MICU1: variants seen among roughly 807,000 people sequenced by gnomAD.
MICU1 encodes calcium uptake protein 1, mitochondrial.
A neutral mutation model predicts 56.8 loss-of-function variants in MICU1; 45 were observed. The ratio of observed to expected loss-of-function variants is 0.79; its 90% CI spans 0.62 to 1.02. MICU1 has a LOEUF of 1.02. Among genes scored for constraint, MICU1 ranks in the 50% least tolerant of loss-of-function variants. MICU1 has a pLI of 0.00. For synonymous variants in MICU1, 186 were observed against 195.1 expected (o/e 0.95, Z 0.39); for missense variants, 504 against 587.1 (o/e 0.86, Z 1.46).
intron 9 of MICU1, 41 bp downstream of exon 9, chr10:72,423,193 T>C: frequency 6.3e-7 from 1 of 1,598,710 alleles, no homozygotes; most frequent in Non-Finnish European, 8.5e-7. Flanking sequence ...TAACCATACA[T>C]TACCACGGTT....
intron 9 of MICU1, among the ~76,000 whole-genome samples, chr10:72,422,574 A>G (rs1351655750): frequency 2.0e-5 from 3 of 152,158 alleles, no homozygotes; most frequent in Non-Finnish European, 2.9e-5. Context: ...AAGGTCACCA[A>G]TTACTGCCAT....
Position 72,470,483 on chromosome 10 carries a change from G to T in MICU1, c.933+4617C>A, listed in dbSNP as rs112164051. On this transcript the variant is annotated intron_variant, in intron 8 of 11. Transcript: ENST00000361114. ...AGCATGGCACCAATATCTGGCAGGG[G>T]TCCTTTCATGGTGGATGGGCAAGCA... 3.4e-3 allele frequency among the ~76,000 whole-genome samples: 517 copies of T among 152,258 alleles called. 3 individuals are homozygous for T. Among genetic ancestry groups the T allele is most frequent in the African/African-American group, 0.012 (491 of 41,530 alleles).
chr10:72,475,102 C>CA lies in MICU1; in HGVS notation c.930dup (p.Glu311Ter). 1 of 1,607,306 alleles carries CA rather than the reference C, an allele frequency of 6.2e-7. No individual in the cohort carries two copies. The highest frequency in any genetic ancestry group is 1.3e-5 in the African/African-American group (1 of 74,978). The stretch of plus-strand genomic sequence containing the variant: ...TACTGAGTCTAAGGAAGACCTACCT[C>CA]AAGCTTCAGAACATCATGCTGCAGT... On this transcript the variant is annotated frameshift_variant, in exon 8 of 12. Coordinates refer to ENST00000361114, the MANE Select transcript of MICU1 (RefSeq NM_001195518.2). LOFTEE classifies it high-confidence loss of function.
rs386371809 is a variant in MICU1 at position 72,610,259 on chromosome 10, CAAAAAA to C, written c.-2+15745_-2+15750del. 2.5e-5 allele frequency among the ~76,000 whole-genome samples: 3 copies of C among 118,920 alleles called. No individual in the cohort carries two copies. The South Asian group carries it at 8.4e-4, about 33-fold the overall frequency. The allele number at this position is 118,920 out of a possible 152,430, so 78.0% of individuals were successfully genotyped here. On this transcript the variant is annotated intron_variant, in intron 1 of 11. Coordinates refer to ENST00000361114, the MANE Select transcript of MICU1 (RefSeq NM_001195518.2). ...ATAAGTGACAGAGTGACATACTCTCCAAAAAAAAAAAAAAATAGTAAAAAAGTAAAT... is the reference window on the plus strand; with the variant it reads ...ATAAGTGACAGAGTGACATACTCTCCAAAAAAAAATAGTAAAAAAGTAAAT...
At chr10:72,521,431 A>G (rs1367456230) in intron 5 of MICU1, among the ~76,000 whole-genome samples, 3 of 152,122 alleles carry the variant, frequency 2.0e-5, no homozygotes, top group African/African-American at 4.8e-5. Flanking sequence ...TTCTGCAAGT[A>G]TATGAATTGG....
chr10:72,598,601 C>G (rs1417424688), intron 1 of MICU1, among the ~76,000 whole-genome samples: 1 of 151,966 alleles, frequency 6.6e-6, no homozygotes, highest in Non-Finnish European at 1.5e-5. Context: ...TACAGATTAG[C>G]TCAATCAAAT....
chr10:72,415,448 C>T (rs1395971826), intron 9 of MICU1, among the ~76,000 whole-genome samples: 1 of 152,134 alleles, frequency 6.6e-6, no homozygotes, highest in Non-Finnish European at 1.5e-5. Context: ...ATTACTATGC[C>T]TGTCTTGCTC....
At chr10:72,467,438 C>T (rs1444455834) in intron 8 of MICU1, among the ~76,000 whole-genome samples, 1 of 152,148 alleles carries the variant, frequency 6.6e-6, no homozygotes, top group Admixed American at 6.5e-5. Flanking sequence ...CCCACTCTTC[C>T]TCCCAAAGTG....
intron 5 of MICU1, among the ~76,000 whole-genome samples, chr10:72,525,145 C>T (rs970532486): frequency 6.8e-6 from 1 of 147,752 alleles, no homozygotes; most frequent in Non-Finnish European, 1.5e-5. Context: ...GTGATACCCA[C>T]ATTGGTATTA....
intron 10 of MICU1, among the ~76,000 whole-genome samples, chr10:72,401,819 T>A (rs1489234120): frequency 6.6e-6 from 1 of 152,194 alleles, no homozygotes; most frequent in Non-Finnish European, 1.5e-5. Context: ...AACTATTTCA[T>A]CCTGCCTAAC....
chr10:72,493,305 T>C (rs962358861), intron 6 of MICU1, among the ~76,000 whole-genome samples: 43 of 152,340 alleles, frequency 2.8e-4, no homozygotes, highest in African/African-American at 8.7e-4. Context: ...TTTTCTATGC[T>C]AATAAATCTC....
chr10:72,612,263 C>G (rs532543197), intron 1 of MICU1, among the ~76,000 whole-genome samples: 4 of 141,260 alleles, frequency 2.8e-5, no homozygotes, highest in Non-Finnish European at 6.2e-5. Context: ...ACACTAGAGT[C>G]TGCCATCTGT....
At chr10:72,523,137 CA>C (rs1867871484) in intron 5 of MICU1, among the ~76,000 whole-genome samples, 1 of 152,100 alleles carries the variant, frequency 6.6e-6, no homozygotes, top group Non-Finnish European at 1.5e-5. Context: ...TTAGTAAGGA[CA>C]CCTATCCAAG....
intron 8 of MICU1, among the ~76,000 whole-genome samples, chr10:72,465,309 GTTT>G (rs58604429): frequency 8.2e-6 from 1 of 121,932 alleles, no homozygotes; most frequent in African/African-American, 3.1e-5. Context: ...ATAGTTTTTT[GTTT>G]TTTTTTTTTT....
At chr10:72,565,813 C>CA (rs1433314629) in intron 2 of MICU1, among the ~76,000 whole-genome samples, 4 of 151,552 alleles carry the variant, frequency 2.6e-5, no homozygotes, top group Non-Finnish European at 5.9e-5. Context: ...GACTCCATCT[C>CA]AAAAAAACAA....
chr10:72,369,690 G>GT lies in MICU1; in HGVS notation c.1271-1336dup, dbSNP rs371629187. Among the ~76,000 whole-genome samples, 1,450 of 146,268 alleles carry GT rather than the reference G, an allele frequency of 9.9e-3. 13 individuals are homozygous for GT. The highest frequency in any genetic ancestry group is 0.016 in the Non-Finnish European group (1,085 of 65,932). ...CTGGAAGAAACTTTGGAGAGCATCT[G>GT]TTTTTTTTTTTGTTGTTGTTGTTGT... On this transcript the variant is annotated intron_variant, in intron 11 of 11. Transcript: ENST00000361114.
At chr10:72,430,936 T>G (rs985340605) in intron 8 of MICU1, among the ~76,000 whole-genome samples, 2 of 152,200 alleles carry the variant, frequency 1.3e-5, no homozygotes, top group African/African-American at 4.8e-5. Context: ...CTTCCTAACT[T>G]TATAAAATGG....
chr10:72,452,210 ACT>A (rs1564877823), intron 8 of MICU1, among the ~76,000 whole-genome samples: 1 of 151,966 alleles, frequency 6.6e-6, no homozygotes, highest in Non-Finnish European at 1.5e-5. Flanking sequence ...CAATTCGAAT[ACT>A]CACTTTTCTT....
At chr10:72,609,929 G>A (rs58973263) in intron 1 of MICU1, among the ~76,000 whole-genome samples, 6,153 of 151,592 alleles carry the variant, frequency 0.041, 427 homozygotes, top group African/African-American at 0.14. Flanking sequence ...TAGCTAGTCC[G>A]GAAGCTGAGG....
Sources: allele counts gnomAD v4.1 joint callset (sites outside exome capture counted in the v4.1 genomes callset), GRCh38; gene constraint gnomAD v4.1.1; transcripts MANE v1.5; gene names NCBI Gene and HGNC (gene_info 2026-07-23, HGNC 2026-07-21).